PDE1C: variants seen among roughly 807,000 people sequenced by gnomAD.
PDE1C encodes the protein phosphodiesterase 1C.
PDE1C carries 62 observed loss-of-function variants against 93.1 expected under a neutral mutation model. The ratio of observed to expected loss-of-function variants is 0.67; its 90% CI spans 0.54 to 0.82. The LOEUF (loss-of-function observed/expected upper bound fraction) is 0.82. Ranked by LOEUF, PDE1C falls within the 40% of genes least tolerant of loss-of-function variation. The probability of loss-of-function intolerance (pLI) is 0.00; values close to 1 mark genes in which losing one functional copy is unlikely to be tolerated. For synonymous variants in PDE1C, 325 were observed against 310.1 expected (o/e 1.05, Z -0.50); for missense variants, 742 against 884.6 (o/e 0.84, Z 2.04).
intron 1 of PDE1C, among the ~76,000 whole-genome samples, chr7:32,241,549 T>TA (rs943080644): frequency 5.3e-5 from 8 of 151,512 alleles, no homozygotes; most frequent in Non-Finnish European, 1.0e-4. Flanking sequence ...AGTCTCCATG[T>TA]AAAAAAAAAT....
chr7:31,731,248 C>T, the PDE1C span, among the ~76,000 whole-genome samples: 6 of 152,132 alleles, frequency 3.9e-5, no homozygotes, highest in South Asian at 2.1e-4. Context: ...CACAGGAACC[C>T]GCAGGACCCG....
intron 2 of PDE1C, among the ~76,000 whole-genome samples, chr7:31,953,113 G>T (rs1435062996): frequency 6.6e-6 from 1 of 152,138 alleles, no homozygotes; most frequent in African/African-American, 2.4e-5. Flanking sequence ...CAGAGAGCTG[G>T]CATTAACTGG....
chr7:32,138,224 C>G (rs1348137092), intron 3 of PDE1C, among the ~76,000 whole-genome samples: 1 of 151,966 alleles, frequency 6.6e-6, no homozygotes, highest in Non-Finnish European at 1.5e-5. Flanking sequence ...TGAGTTCTTA[C>G]TTTATTAAAA....
At chr7:32,361,378 T>C (rs535689101) in intron 1 of PDE1C, among the ~76,000 whole-genome samples, 158 of 152,390 alleles carry the variant, frequency 1.0e-3, no homozygotes, top group African/African-American at 3.7e-3. Context: ...CAGGATTATA[T>C]GTCATCTTTG....
chr7:31,703,932 C>T, the PDE1C span, among the ~76,000 whole-genome samples: 1 of 152,204 alleles, frequency 6.6e-6, no homozygotes, highest in African/African-American at 2.4e-5. Context: ...GCTTAGCCTA[C>T]AGTTGCCAGG....
intron 1 of PDE1C, among the ~76,000 whole-genome samples, chr7:32,354,978 G>T (rs545792071): frequency 6.6e-6 from 1 of 152,308 alleles, no homozygotes; most frequent in Non-Finnish European, 1.5e-5. Context: ...CTCTCTGGAG[G>T]ACTTCGTCTT....
At chr7:31,694,157 AAT>A in the PDE1C span, among the ~76,000 whole-genome samples, 1 of 152,224 alleles carries the variant, frequency 6.6e-6, no homozygotes, top group Admixed American at 6.5e-5. Context: ...TCATCTTTTA[AAT>A]ATGTTACTTA....
At chr7:32,372,967 TAGG>T (rs1253575770) in intron 1 of PDE1C, among the ~76,000 whole-genome samples, 2 of 152,340 alleles carry the variant, frequency 1.3e-5, no homozygotes, top group East Asian at 1.9e-4. Flanking sequence ...ATTCCAAATG[TAGG>T]AGAAGATGTG....
chr7:31,957,688 C>G (rs1022764942), intron 2 of PDE1C, among the ~76,000 whole-genome samples: 4 of 152,122 alleles, frequency 2.6e-5, no homozygotes, highest in African/African-American at 9.7e-5. Context: ...ATTGCATACA[C>G]TGGTGTTCTC....
intron 2 of PDE1C, among the ~76,000 whole-genome samples, chr7:31,987,853 G>C (rs1783618469): frequency 1.3e-5 from 2 of 152,156 alleles, no homozygotes; most frequent in African/African-American, 4.8e-5. Flanking sequence ...GCTGGAATTG[G>C]TAGAAAGTGC....
intron 3 of PDE1C, among the ~76,000 whole-genome samples, chr7:32,162,312 A>G (rs1243121858): frequency 6.6e-6 from 1 of 152,208 alleles, no homozygotes; most frequent in Non-Finnish European, 1.5e-5. Flanking sequence ...TATCCAGGCC[A>G]GTAGCATTGG....
At chr7:32,132,250 G>A (rs1015912286) in intron 3 of PDE1C, among the ~76,000 whole-genome samples, 2 of 152,096 alleles carry the variant, frequency 1.3e-5, no homozygotes, top group Non-Finnish European at 2.9e-5. Flanking sequence ...ATCCAGGTGG[G>A]AGCCAGCCAT....
At chr7:32,107,842 A>G (rs1299268791) in intron 3 of PDE1C, among the ~76,000 whole-genome samples, 1 of 152,122 alleles carries the variant, frequency 6.6e-6, no homozygotes, top group Non-Finnish European at 1.5e-5. Flanking sequence ...AAAAAGTGAA[A>G]TCAGTAACAG....
At chr7:32,266,147 T>G (rs1361515121) in intron 1 of PDE1C, among the ~76,000 whole-genome samples, 2 of 152,002 alleles carry the variant, frequency 1.3e-5, no homozygotes, top group East Asian at 3.9e-4. Flanking sequence ...CTGGGTGTGG[T>G]GGCAGGTGCC....
chr7:32,373,375 T>C (rs1022073707), intron 1 of PDE1C, among the ~76,000 whole-genome samples: 10 of 152,232 alleles, frequency 6.6e-5, no homozygotes, highest in African/African-American at 2.4e-4. Flanking sequence ...AGACAATGTA[T>C]TATTTGATTC....
At position 32,148,681 on chromosome 7, in the gene PDE1C, T is replaced by C. The variant is rs963102057; in HGVS notation, c.308+21104A>G. 4.6e-5 allele frequency among the ~76,000 whole-genome samples: 7 copies of C among 152,160 alleles called. No individual in the cohort carries two copies. The South Asian group carries it at 1.0e-3, about 23-fold the overall frequency. On this transcript the variant is annotated intron_variant, in intron 3 of 18. Coordinates refer to the PDE1C transcript ENST00000396193. ...TGGACAACGCCACTATATATACTAA[T>C]AGACTGTAAACTCCTCAAGGATTTA...
At chr7:31,907,076 T>G (rs1332294597) in intron 2 of PDE1C, among the ~76,000 whole-genome samples, 3 of 150,924 alleles carry the variant, frequency 2.0e-5, no homozygotes, top group East Asian at 2.0e-4. Context: ...GTGGGGTGTG[T>G]GTGTGTGTGT....
rs117253083 is a variant in PDE1C at position 31,769,667 on chromosome 7, T to C, written c.1960+5997A>G. Reference sequence around the variant, plus strand: ...TATATATTTTGAGGGTTTTTTCCTATATTCATAATGTTTCACAACCATCAC... The same window carrying C: ...TATATATTTTGAGGGTTTTTTCCTACATTCATAATGTTTCACAACCATCAC... On this transcript the variant is annotated intron_variant, in intron 17 of 17. Coordinates refer to ENST00000396191, the MANE Select transcript of PDE1C (RefSeq NM_001191057.4). Among the ~76,000 whole-genome samples, 79 of 152,330 alleles carry C rather than the reference T, an allele frequency of 5.2e-4. No individual in the cohort carries two copies. In the Middle Eastern group the frequency reaches 0.01, roughly 20 times the overall value.
chr7:32,018,874 C>G (rs867127395), intron 2 of PDE1C, among the ~76,000 whole-genome samples: 1 of 152,034 alleles, frequency 6.6e-6, no homozygotes, highest in African/African-American at 2.4e-5. Flanking sequence ...CCCTTGACAA[C>G]TCTGAGCTTT....
Sources: gnomAD v4.1 joint callset for allele counts (sites outside exome capture counted in the v4.1 genomes callset) on GRCh38, gnomAD v4.1.1 for gene constraint, MANE v1.5 for transcripts, NCBI Gene and HGNC (gene_info 2026-07-23, HGNC 2026-07-21) for gene names.